Variants in ANO6 observed in about 807,000 individuals in gnomAD.
ANO6 encodes anoctamin-6.
ANO6 carries 106 observed loss-of-function variants against 117.5 expected under a neutral mutation model. The observed-to-expected ratio is 0.90, with a 90% CI of 0.77 to 1.06. The LOEUF (loss-of-function observed/expected upper bound fraction) is 1.06. Ranked by LOEUF, ANO6 falls within the 50% of genes least tolerant of loss-of-function variation. ANO6 has a pLI of 0.00. For missense variants in ANO6, 955 were observed against 1,121.1 expected (o/e 0.85, Z 2.12); for synonymous variants, 367 against 385.1 (o/e 0.95, Z 0.55).
At chr12:45,416,251 C>T (rs1943209162) in intron 16 of ANO6, among the ~76,000 whole-genome samples, 1 of 152,174 alleles carries the variant, frequency 6.6e-6, no homozygotes, top group Non-Finnish European at 1.5e-5. Flanking sequence ...CTAACGTTCT[C>T]TAAGTATAGC....
At chr12:45,308,882 G>A (rs1369245626) in intron 2 of ANO6, among the ~76,000 whole-genome samples, 1 of 152,064 alleles carries the variant, frequency 6.6e-6, no homozygotes, top group Non-Finnish European at 1.5e-5. Flanking sequence ...GGACATTATG[G>A]AGAGTACAAT....
At chr12:45,422,824 T>C (rs1475670283) in intron 18 of ANO6, 133 bp from the exon 19 acceptor site, 1 of 736,380 alleles carries the variant, frequency 1.4e-6, no homozygotes, top group Non-Finnish European at 2.5e-6. Context: ...TCCACATGCC[T>C]CAGCCTCCCA....
At chr12:45,257,285 C>T (rs1395586476) in intron 1 of ANO6, among the ~76,000 whole-genome samples, 1 of 152,192 alleles carries the variant, frequency 6.6e-6, no homozygotes, top group Non-Finnish European at 1.5e-5. Context: ...GAGCCCCATC[C>T]AGGCCATCTC....
chr12:45,378,118 G>GTTTT lies in ANO6; in HGVS notation c.1165+18_1165+21dup. ...CAGTATTTATGGGAGTATGGGGTAA[G>GTTTT]TTTTTTTTTTTTTTTTCATGCACTC... On this transcript the variant is annotated splice_donor_region_variant and intron_variant, in intron 10 of 19. Transcript: ENST00000320560. The GTTTT allele has an allele frequency of 2.0e-5, 30 of 1,501,430 alleles. No homozygotes were observed. The highest frequency in any genetic ancestry group is 5.9e-5 in the African/African-American group (4 of 67,646). The allele number at this position is 1,501,430 out of a possible 1,614,324, so 93.0% of individuals were successfully genotyped here.
chr12:45,274,606 C>A (rs1339895801), intron 1 of ANO6, among the ~76,000 whole-genome samples: 1 of 151,956 alleles, frequency 6.6e-6, no homozygotes, highest in African/African-American at 2.4e-5. Flanking sequence ...TCACAGTGAT[C>A]CTTCTCTTTT....
At chr12:45,246,493 G>A (rs971274832) in intron 1 of ANO6, among the ~76,000 whole-genome samples, 1 of 152,200 alleles carries the variant, frequency 6.6e-6, no homozygotes. Flanking sequence ...CTTTGAAAGA[G>A]AAAGTTTACC....
At chr12:45,362,110 G>A (rs529362197) in intron 8 of ANO6, among the ~76,000 whole-genome samples, 1 of 152,212 alleles carries the variant, frequency 6.6e-6, no homozygotes, top group African/African-American at 2.4e-5. Context: ...GAAACCATCT[G>A]AGACTGGGCT....
intron 1 of ANO6, among the ~76,000 whole-genome samples, chr12:45,218,390 CTTTT>C (rs76855973): frequency 2.9e-3 from 320 of 110,092 alleles, no homozygotes; most frequent in Middle Eastern, 0.01. Context: ...CTTTCTTTCT[CTTTT>C]TTTTTTTTTT....
Position 45,250,155 on chromosome 12 carries a change from T to A in ANO6, c.70+33764T>A, listed in dbSNP as rs188379014. Among the ~76,000 whole-genome samples, 23 of 152,312 alleles carry A rather than the reference T, an allele frequency of 1.5e-4. 1 individual carries two copies. Among genetic ancestry groups the A allele is most frequent in the Admixed American group, 1.3e-3 (20 of 15,306 alleles). On this transcript the variant is annotated intron_variant, in intron 1 of 19. Coordinates refer to ENST00000320560, the MANE Select transcript of ANO6 (RefSeq NM_001025356.3). Reference sequence around the variant, plus strand: ...TAACTAGTTGGAGCAAAACAATGACTGTATAAGTACTAAAAAAGTAACAGC... The same window carrying A: ...TAACTAGTTGGAGCAAAACAATGACAGTATAAGTACTAAAAAAGTAACAGC...
chr12:45,259,080 A>C (rs1027926788), intron 1 of ANO6, among the ~76,000 whole-genome samples: 6 of 152,170 alleles, frequency 3.9e-5, no homozygotes, highest in African/African-American at 1.4e-4. Flanking sequence ...TGAACTGCAG[A>C]ATAGATGTTT....
Position 45,216,392 on chromosome 12 carries a change from G to T in ANO6, c.70+1G>T. 6.2e-7 allele frequency: 1 copy of T among 1,611,366 alleles called. No homozygotes were observed. Among genetic ancestry groups the T allele is most frequent in the Non-Finnish European group, 8.5e-7 (1 of 1,178,984 alleles). On this transcript the variant is annotated splice_donor_variant, in intron 1 of 19. Coordinates refer to ENST00000320560, the MANE Select transcript of ANO6 (RefSeq NM_001025356.3). LOFTEE classifies it high-confidence loss of function. Reference sequence around the variant, plus strand: ...GAGGACGACGACGATGGGGATATCGGTGAGCGAGGGGTCCCCGCGTCCCCA... The same window carrying T: ...GAGGACGACGACGATGGGGATATCGTTGAGCGAGGGGTCCCCGCGTCCCCA...
intron 2 of ANO6, among the ~76,000 whole-genome samples, chr12:45,308,031 CTGTGTG>C (rs530448808): frequency 4.6e-4 from 54 of 117,754 alleles, no homozygotes; most frequent in Non-Finnish European, 6.7e-4. Context: ...GTGTGTGTGT[CTGTGTG>C]TGTGTGTGTA....
At chr12:45,259,769 A>G (rs769551324) in intron 1 of ANO6, among the ~76,000 whole-genome samples, 3 of 152,260 alleles carry the variant, frequency 2.0e-5, no homozygotes, top group Non-Finnish European at 4.4e-5. Flanking sequence ...TGGAAACACC[A>G]TATGTTCTAT....
At chr12:45,392,970 G>A (rs968954124) in intron 12 of ANO6, among the ~76,000 whole-genome samples, 10 of 152,158 alleles carry the variant, frequency 6.6e-5, no homozygotes, top group African/African-American at 2.2e-4. Flanking sequence ...CGCCAGCAAC[G>A]GAACAAAGCT....
intron 3 of ANO6, among the ~76,000 whole-genome samples, chr12:45,340,671 T>C (rs781764442): frequency 8.5e-5 from 13 of 152,170 alleles, no homozygotes; most frequent in Non-Finnish European, 1.3e-4. Flanking sequence ...ATTCAGCAAA[T>C]ATTTATTGAG....
intron 17 of ANO6, among the ~76,000 whole-genome samples, chr12:45,417,297 C>A (rs954353469): frequency 2.0e-5 from 3 of 152,138 alleles, no homozygotes; most frequent in South Asian, 4.2e-4. Flanking sequence ...ATCATTCTAC[C>A]ATATTTTACT....
intron 2 of ANO6, among the ~76,000 whole-genome samples, chr12:45,318,998 G>A (rs1940155897): frequency 6.6e-6 from 1 of 152,190 alleles, no homozygotes; most frequent in African/African-American, 2.4e-5. Context: ...TTGCTTATCA[G>A]CTTAAGGAGA....
intron 1 of ANO6, among the ~76,000 whole-genome samples, chr12:45,238,856 TA>T (rs1328156505): frequency 2.6e-5 from 4 of 152,268 alleles, no homozygotes; most frequent in African/African-American, 9.6e-5. Flanking sequence ...TTGATTTGTG[TA>T]TGTTAAACTA....
At chr12:45,375,903 T>C (rs1415531513) in intron 9 of ANO6, among the ~76,000 whole-genome samples, 1 of 148,278 alleles carries the variant, frequency 6.7e-6, no homozygotes, top group Non-Finnish European at 1.5e-5. Flanking sequence ...GAAACTACCA[T>C]CAGAGTGAAC....
Sources: gnomAD v4.1 joint callset for allele counts (sites outside exome capture counted in the v4.1 genomes callset) on GRCh38, gnomAD v4.1.1 for gene constraint, MANE v1.5 for transcripts, NCBI Gene and HGNC (gene_info 2026-07-23, HGNC 2026-07-21) for gene names.